CPA5: variants seen among roughly 807,000 people sequenced by gnomAD.
CPA5 encodes testicular tissue protein Li 32.
CPA5 carries 38 observed loss-of-function variants against 52.2 expected under a neutral mutation model. The observed-to-expected ratio is 0.73, with a 90% CI of 0.56 to 0.95. The LOEUF is 0.95. Among genes scored for constraint, CPA5 ranks in the 40% least tolerant of loss-of-function variants. The probability of loss-of-function intolerance (pLI) is 0.00; values close to 1 mark genes in which losing one functional copy is unlikely to be tolerated. For synonymous variants in CPA5, 198 were observed against 213.7 expected (o/e 0.93, Z 0.64); for missense variants, 519 against 566.7 (o/e 0.92, Z 0.86).
chr7:130,365,401 C>A (rs781827731), intron 10 of CPA5, among the ~76,000 whole-genome samples: 9 of 152,142 alleles, frequency 5.9e-5, no homozygotes, highest in Admixed American at 2.6e-4. Flanking sequence ...AAAAAAATAT[C>A]CATATACACA....
downstream of CPA5, among the ~76,000 whole-genome samples, chr7:130,370,447 A>T (rs1287550923): frequency 6.6e-6 from 1 of 152,198 alleles, no homozygotes; most frequent in Admixed American, 6.5e-5. Flanking sequence ...GCTAGAGGTA[A>T]ATAAAGCCAG....
At chr7:130,361,320 T>G (rs2117412106) in intron 7 of CPA5, 76 bp downstream of exon 7, 5 of 1,037,876 alleles carry the variant, frequency 4.8e-6, no homozygotes, top group East Asian at 2.4e-5. Context: ...TATGGGGTAG[T>G]GGCTGGGCGG....
chr7:130,349,449 C>T (rs1554403248), intron 4 of CPA5, among the ~76,000 whole-genome samples: 1 of 151,988 alleles, frequency 6.6e-6, no homozygotes, highest in Non-Finnish European at 1.5e-5. Flanking sequence ...ATAAGTTAAA[C>T]TTTATTATAG....
chr7:130,348,472 T>C (rs1794915210), intron 4 of CPA5, among the ~76,000 whole-genome samples: 1 of 152,228 alleles, frequency 6.6e-6, no homozygotes, highest in African/African-American at 2.4e-5. Flanking sequence ...TTTATGATCA[T>C]TCTCTCCATT....
intron 5 of CPA5, among the ~76,000 whole-genome samples, chr7:130,355,098 T>G (rs1795400204): frequency 6.6e-6 from 1 of 152,064 alleles, no homozygotes; most frequent in African/African-American, 2.4e-5. Context: ...GCCCCTCTGT[T>G]GGGCCCCATG....
intron 6 of CPA5, among the ~76,000 whole-genome samples, chr7:130,360,597 C>T (rs1795741083): frequency 6.6e-6 from 1 of 152,212 alleles, no homozygotes; most frequent in East Asian, 1.9e-4. Flanking sequence ...AATAGAGCAT[C>T]CATTTTCTTT....
chr7:130,352,579 C>T (rs1049832358), intron 5 of CPA5, among the ~76,000 whole-genome samples: 2 of 152,130 alleles, frequency 1.3e-5, no homozygotes, highest in Non-Finnish European at 2.9e-5. Flanking sequence ...ACAAAGAGTG[C>T]CCTCCACCAT....
chr7:130,359,474 T>A, intron 5 of CPA5, 115 bp from the exon 6 acceptor site: 1 of 691,592 alleles, frequency 1.4e-6, no homozygotes, highest in South Asian at 1.8e-5. Context: ...TCATGGTGGC[T>A]CATTCTCCTG....
At chr7:130,353,758 T>TC (rs1229656438) in intron 5 of CPA5, among the ~76,000 whole-genome samples, 1 of 152,094 alleles carries the variant, frequency 6.6e-6, no homozygotes, top group East Asian at 1.9e-4. Flanking sequence ...CTAACTGCTC[T>TC]CCCCCATTCT....
At chr7:130,360,261 A>G (rs549028534) in intron 6 of CPA5, among the ~76,000 whole-genome samples, 9 of 152,384 alleles carry the variant, frequency 5.9e-5, no homozygotes, top group African/African-American at 1.7e-4. Context: ...TAGGGCTCTC[A>G]GCCCGTGACC....
At chr7:130,360,728 C>T (rs1284483002) in intron 6 of CPA5, among the ~76,000 whole-genome samples, 2 of 152,220 alleles carry the variant, frequency 1.3e-5, no homozygotes, top group African/African-American at 4.8e-5. Context: ...AAGGGGCTTA[C>T]AGTCTAAAAG....
At position 130,367,418 on chromosome 7, in the gene CPA5, C is replaced by G. The variant is rs782802691; in HGVS notation, c.885C>G (p.Pro295=). The G allele has an allele frequency of 1.2e-6, 2 of 1,614,176 alleles. No homozygotes were observed. Among genetic ancestry groups the G allele is most frequent in the Non-Finnish European group, 1.7e-6 (2 of 1,180,040 alleles). ...SNPCSETYHG[P]SPQSEPEVAA... is the part of the protein sequence containing the mutation. Reference sequence around the variant, plus strand: ...CCTGCTCAGAAACTTATCACGGGCCCTCCCCTCAGTCGGAGCCGGAGGTGG... The same window carrying G: ...CCTGCTCAGAAACTTATCACGGGCCGTCCCCTCAGTCGGAGCCGGAGGTGG... The change falls in exon 11 of 13, where the codon CCC becomes CCG. Residue 295 remains proline, a synonymous_variant. Transcript: ENST00000474905.
intron 12 of CPA5, 126 bp from the exon 13 acceptor site, chr7:130,368,284 G>T: frequency 1.2e-6 from 1 of 869,284 alleles, no homozygotes. Flanking sequence ...CAGGAAGCCT[G>T]GTGTGGCCTG....
At chr7:130,370,914 G>C (rs1252112477), downstream of CPA5, among the ~76,000 whole-genome samples, 1 of 152,230 alleles carries the variant, frequency 6.6e-6, no homozygotes, top group Non-Finnish European at 1.5e-5. Flanking sequence ...CAGTCTTCCG[G>C]GGGGAGTTGG....
chr7:130,357,391 G>T (rs1220812846), intron 5 of CPA5, among the ~76,000 whole-genome samples: 2 of 152,182 alleles, frequency 1.3e-5, no homozygotes, highest in African/African-American at 4.8e-5. Context: ...CTGGGCTGAG[G>T]TGGGTGCATC....
At chr7:130,366,335 G>T (rs1554408366) in intron 10 of CPA5, among the ~76,000 whole-genome samples, 1 of 152,188 alleles carries the variant, frequency 6.6e-6, no homozygotes, top group Non-Finnish European at 1.5e-5. Flanking sequence ...TTCCAGGGAA[G>T]AGGAGAGAGA....
chr7:130,363,194 C>T (rs1554407272), intron 9 of CPA5, among the ~76,000 whole-genome samples, 200 bp downstream of exon 9: 2 of 152,228 alleles, frequency 1.3e-5, no homozygotes, highest in African/African-American at 2.4e-5. Context: ...CCTCTATTGG[C>T]AGCCTGTGCC....
At chr7:130,373,974 C>CA in the CPA5 span, among the ~76,000 whole-genome samples, 5 of 152,154 alleles carry the variant, frequency 3.3e-5, no homozygotes, top group Admixed American at 6.5e-5. Context: ...CTGGATTTGT[C>CA]CTTCCGGACG....
intron 5 of CPA5, among the ~76,000 whole-genome samples, chr7:130,351,051 C>G (rs1453262501): frequency 6.6e-6 from 1 of 152,222 alleles, no homozygotes; most frequent in Non-Finnish European, 1.5e-5. Context: ...ACACACTTGA[C>G]ACCGTATGTC....
Sources: gnomAD v4.1 joint callset for allele counts (sites outside exome capture counted in the v4.1 genomes callset) on GRCh38, gnomAD v4.1.1 for gene constraint, MANE v1.5 for transcripts, NCBI Gene and HGNC (gene_info 2026-07-23, HGNC 2026-07-21) for gene names.